Variants in FBXL20 observed in about 807,000 individuals in gnomAD.
The protein encoded by FBXL20 is F-box/LRR-repeat protein 20.
Under a neutral mutation model 64.0 loss-of-function variants are expected in FBXL20, and 11 were observed. The ratio of observed to expected loss-of-function variants is 0.17; its 90% CI spans 0.11 to 0.28. FBXL20 has a LOEUF of 0.28. Ranked by LOEUF, FBXL20 falls within the 10% of genes least tolerant of loss-of-function variation. The pLI is 1.00. For missense variants in FBXL20, 303 were observed against 526.2 expected (o/e 0.58, Z 4.15); for synonymous variants, 184 against 189.0 (o/e 0.97, Z 0.22).
In FBXL20 at chr17:39,373,528, T is replaced by A. The variant is rs183742299; in HGVS notation, c.42+27833A>T. Among the ~76,000 whole-genome samples the A allele has an allele frequency of 1.7e-4, 26 of 152,312 alleles. 1 individual carries two copies. Among genetic ancestry groups the A allele is most frequent in the African/African-American group, 6.3e-4 (26 of 41,572 alleles). ...CTGGTTTCTTTTAATAATTTTGGTC[T>A]CCAGCTGCCACTCCTGTTTTCTCCA... On this transcript the variant is annotated intron_variant, in intron 1 of 14. Transcript: ENST00000264658.
intron 3 of FBXL20, among the ~76,000 whole-genome samples, chr17:39,302,556 G>C (rs566207595): frequency 6.6e-6 from 1 of 152,078 alleles, no homozygotes; most frequent in Non-Finnish European, 1.5e-5. Flanking sequence ...TGTATTTTTA[G>C]TAGAGATGGG....
chr17:39,398,040 C>CGGGGGGG (rs56842905), intron 1 of FBXL20, among the ~76,000 whole-genome samples: 3 of 56,670 alleles, frequency 5.3e-5, no homozygotes, highest in African/African-American at 1.6e-4. Flanking sequence ...GGCCGGCGGG[C>CGGGGGGG]GGGGGGGGGG....
Position 39,295,784 on chromosome 17 carries a change from G to GATATATATATATATATATAT in FBXL20, c.398+1323_398+1342dup, listed in dbSNP as rs10568875. ...CTTTTTGAAAATATGCAAATATGGA[G>GATATATATATATATATATAT]ATATATATATATATATATATATTAA... On this transcript the variant is annotated intron_variant, in intron 6 of 14. Transcript: ENST00000264658. 7.2e-3 allele frequency among the ~76,000 whole-genome samples: 983 copies of GATATATATATATATATATAT among 136,810 alleles called. 9 individuals carry two copies. The highest frequency in any genetic ancestry group is 0.015 in the Middle Eastern group (4 of 260). The allele number at this position is 136,810 out of a possible 152,430, so 89.8% of individuals were successfully genotyped here.
chr17:39,341,895 A>G (rs538508534), intron 2 of FBXL20, among the ~76,000 whole-genome samples: 70 of 152,338 alleles, frequency 4.6e-4, no homozygotes, highest in Admixed American at 1.6e-3. Context: ...ATCAACATGT[A>G]GTAGAGTGAG....
intron 2 of FBXL20, among the ~76,000 whole-genome samples, chr17:39,332,885 G>C (rs779799794): frequency 6.6e-6 from 1 of 152,064 alleles, no homozygotes; most frequent in Admixed American, 6.6e-5. Flanking sequence ...ATGACTACAT[G>C]ATGAGTCCTG....
intron 9 of FBXL20, among the ~76,000 whole-genome samples, chr17:39,275,573 G>A (rs960614176): frequency 2.6e-5 from 4 of 151,696 alleles, no homozygotes; most frequent in African/African-American, 4.8e-5. Context: ...CACCATGTCC[G>A]GCAATTTTTT....
At chr17:39,294,321 G>A (rs982073651) in intron 6 of FBXL20, among the ~76,000 whole-genome samples, 1 of 151,560 alleles carries the variant, frequency 6.6e-6, no homozygotes, top group Non-Finnish European at 1.5e-5. Context: ...TGTTGCCCAG[G>A]CTGGAGTGCA....
intron 2 of FBXL20, among the ~76,000 whole-genome samples, chr17:39,324,166 CA>C (rs2047387235): frequency 6.7e-6 from 1 of 149,872 alleles, no homozygotes; most frequent in Non-Finnish European, 1.5e-5. Context: ...GCTCATGAAT[CA>C]ACTGCATCAG....
chr17:39,330,724 A>T (rs1250990279), intron 2 of FBXL20, among the ~76,000 whole-genome samples: 1 of 152,192 alleles, frequency 6.6e-6, no homozygotes, highest in Non-Finnish European at 1.5e-5. Context: ...TAAAACATCC[A>T]ATGTACTCTA....
intron 1 of FBXL20, among the ~76,000 whole-genome samples, chr17:39,387,578 C>CTT (rs567825913): frequency 0.012 from 1,450 of 124,520 alleles, 60 homozygotes; most frequent in Admixed American, 0.081. Context: ...AGCGCCCAAT[C>CTT]TTTTTTTTTT....
intron 2 of FBXL20, among the ~76,000 whole-genome samples, chr17:39,312,568 CTTTTT>C (rs750605079): frequency 4.5e-4 from 41 of 91,712 alleles, no homozygotes; most frequent in African/African-American, 2.2e-3. Context: ...TAAATTCTAT[CTTTTT>C]TTTTTTTTTT....
intron 3 of FBXL20, among the ~76,000 whole-genome samples, chr17:39,302,270 C>T (rs2047143148): frequency 1.3e-5 from 2 of 151,740 alleles, no homozygotes; most frequent in South Asian, 2.1e-4. Context: ...AGTGCAGTGG[C>T]TCAATCATGG....
intron 9 of FBXL20, among the ~76,000 whole-genome samples, chr17:39,279,387 TA>T (rs2144381083): frequency 6.6e-6 from 1 of 151,640 alleles, no homozygotes; most frequent in South Asian, 2.1e-4. Flanking sequence ...TAGTCCAAGC[TA>T]CTCAGAAGGC....
intron 1 of FBXL20, among the ~76,000 whole-genome samples, chr17:39,346,266 A>G (rs2047631449): frequency 6.6e-6 from 1 of 152,074 alleles, no homozygotes; most frequent in African/African-American, 2.4e-5. Context: ...ACTTGTGCCC[A>G]GGAAGTCAAG....
intron 2 of FBXL20, among the ~76,000 whole-genome samples, chr17:39,335,201 G>C (rs1271705551): frequency 6.6e-6 from 1 of 152,112 alleles, no homozygotes; most frequent in African/African-American, 2.4e-5. Context: ...TGTCTTAACT[G>C]AATAACTGTC....
intron 2 of FBXL20, among the ~76,000 whole-genome samples, chr17:39,316,563 G>A (rs1370544817): frequency 1.3e-5 from 2 of 152,152 alleles, no homozygotes; most frequent in East Asian, 1.9e-4. Flanking sequence ...CAGCTTGAAG[G>A]GGCTTCCACT....
chr17:39,393,208 G>C (rs934435780), intron 1 of FBXL20, among the ~76,000 whole-genome samples: 2 of 152,010 alleles, frequency 1.3e-5, no homozygotes, highest in Non-Finnish European at 2.9e-5. Flanking sequence ...AGAATCACTT[G>C]AACCCAGGAG....
chr17:39,269,673 T>C (rs1199124280), intron 11 of FBXL20, among the ~76,000 whole-genome samples: 1 of 151,838 alleles, frequency 6.6e-6, no homozygotes, highest in Non-Finnish European at 1.5e-5. Flanking sequence ...TAATTTTGTG[T>C]TTTTAGTAAA....
chr17:39,303,692 CTTTA>C lies in FBXL20; in HGVS notation c.105-57_105-54del, dbSNP rs564592214. 239 of 1,500,248 alleles carry C rather than the reference CTTTA, an allele frequency of 1.6e-4. No homozygotes were observed. In the African/African-American group the frequency reaches 2.9e-3, roughly 18 times the overall value. The allele number at this position is 1,500,248 out of a possible 1,614,324, so 92.9% of individuals were successfully genotyped here. A position where few individuals can be genotyped will look rare whatever the true frequency, so the allele number is the denominator to read the frequency against. On this transcript the variant is annotated intron_variant, in intron 2 of 14. Coordinates refer to ENST00000264658, the MANE Select transcript of FBXL20 (RefSeq NM_032875.3). ...TTTATTGTATGATAAAGTAGTTGAC[CTTTA>C]TTTATTTTGAGACAGGGTCTCACTC...
Sources: allele counts gnomAD v4.1 joint callset (sites outside exome capture counted in the v4.1 genomes callset), GRCh38; gene constraint gnomAD v4.1.1; transcripts MANE v1.5; gene names NCBI Gene and HGNC (gene_info 2026-07-23, HGNC 2026-07-21).